Variants in HSD17B14 observed in about 807,000 individuals in gnomAD.
HSD17B14 encodes L-fucose dehydrogenase.
A neutral mutation model predicts 32.2 loss-of-function variants in HSD17B14; 32 were observed. The ratio of observed to expected loss-of-function variants is 0.99; its 90% CI spans 0.75 to 1.33. The LOEUF is 1.33. Ranked by LOEUF, HSD17B14 falls within the 40% of genes most tolerant of loss-of-function variation. HSD17B14 has a pLI of 0.00. For missense variants in HSD17B14, 370 were observed against 366.5 expected, an observed-to-expected ratio of 1.01 and a Z score of -0.08; for synonymous variants, 140 against 155.4, an observed-to-expected ratio of 0.90 and a Z score of 0.74.
chr19:48,815,487 G>A (rs2035036214), intron 5 of HSD17B14, among the ~76,000 whole-genome samples: 1 of 152,118 alleles, frequency 6.6e-6, no homozygotes, highest in African/African-American at 2.4e-5. Context: ...ATGGATGAGA[G>A]ATCCAGAAGG....
At chr19:48,827,836 C>T (rs935913557) in intron 5 of HSD17B14, among the ~76,000 whole-genome samples, 13 of 150,248 alleles carry the variant, frequency 8.7e-5, no homozygotes, top group African/African-American at 3.2e-4. Context: ...CCGTGACCAA[C>T]CCTTCTCCTT....
chr19:48,827,501 A>G (rs1176285894), intron 5 of HSD17B14, among the ~76,000 whole-genome samples: 1 of 152,058 alleles, frequency 6.6e-6, no homozygotes, highest in African/African-American at 2.4e-5. Flanking sequence ...CAGCTGTTGC[A>G]TAAGCAAGGG....
At chr19:48,827,393 C>A (rs567951500) in intron 5 of HSD17B14, among the ~76,000 whole-genome samples, 5 of 152,100 alleles carry the variant, frequency 3.3e-5, no homozygotes, top group African/African-American at 1.2e-4. Flanking sequence ...GCGCAGGGCT[C>A]CGCATGTTGC....
At chr19:48,824,011 T>C (rs2035201715) in intron 5 of HSD17B14, among the ~76,000 whole-genome samples, 1 of 148,164 alleles carries the variant, frequency 6.7e-6, no homozygotes, top group African/African-American at 2.5e-5. Context: ...TCCCAGCACT[T>C]TGGGAGGCCG....
Position 48,832,701 on chromosome 19 carries a change from C to A in HSD17B14, c.242G>T (p.Gly81Val), listed in dbSNP as rs1457593297. 1 of 1,612,590 alleles carries A rather than the reference C, an allele frequency of 6.2e-7. No individual in the cohort carries two copies. Among genetic ancestry groups the A allele is most frequent in the East Asian group, 2.2e-5 (1 of 44,858 alleles). ...TLVSETIRRF[G>V]RLDCVVNNAG... ...GTTGTTGACAACACAATCCAGGCGG[C>A]CAAATCGGCGGATGGTCTCAGAAAC... Residue 81 changes from glycine to valine, a missense_variant, in exon 4 of 9, where the codon GGC (glycine) becomes GTC (valine). Physicochemically the swap from Gly to Val is moderately radical, Grantham distance 109. Coordinates refer to ENST00000263278, the MANE Select transcript of HSD17B14 (RefSeq NM_016246.3).
At position 48,834,346 on chromosome 19, in the gene HSD17B14, C is replaced by G; in HGVS notation, c.140G>C (p.Arg47Pro). The stretch of plus-strand genomic sequence containing the variant: ...TCCAGGGAGCTCCTGCTCCAGGGCC[C>G]GGCCCCCAGACTCTGCAGGGAGAGA... The part of the protein sequence containing the change: ...VICDKDESGG[R>P]ALEQELPGAV... Residue 47 changes from arginine to proline, a missense_variant, in exon 3 of 9, where the codon CGG becomes CCG. By Grantham distance (103) the Arg-to-Pro change is moderately radical. Transcript: ENST00000263278. The G allele has an allele frequency of 1.9e-6, 3 of 1,613,590 alleles. No individual in the cohort carries two copies. Among genetic ancestry groups the G allele is most frequent in the Non-Finnish European group, 2.5e-6 (3 of 1,179,662 alleles).
chr19:48,818,994 T>A (rs1002633393), intron 5 of HSD17B14, among the ~76,000 whole-genome samples: 1 of 152,080 alleles, frequency 6.6e-6, no homozygotes, highest in Non-Finnish European at 1.5e-5. Flanking sequence ...CCTTTTTTTG[T>A]TTGTTTGTTT....
rs1386323531 is a variant in HSD17B14, at chr19:48,824,743, C to T, written c.369+6925G>A. Among the ~76,000 whole-genome samples the T allele has an allele frequency of 3.5e-5, 5 of 142,298 alleles. No homozygotes were observed. The East Asian group carries it at 1.0e-3, about 29-fold the overall frequency. 93.4% of individuals were successfully genotyped at this position (142,298 alleles called of 152,430 possible). ...ATCGTGTCACTGCATGCCAGCCTGG[C>T]GACAGAGCAAGACTCTAAAGAAAGA... On this transcript the variant is annotated intron_variant, in intron 5 of 8. Transcript: ENST00000263278.
intron 5 of HSD17B14, among the ~76,000 whole-genome samples, chr19:48,821,940 C>CA (rs1555776457): frequency 6.6e-5 from 10 of 150,742 alleles, no homozygotes; most frequent in South Asian, 2.1e-4. Context: ...AGGATGGTGA[C>CA]GTGGTAATGA....
intron 5 of HSD17B14, among the ~76,000 whole-genome samples, chr19:48,818,340 G>A (rs2035092066): frequency 6.7e-6 from 1 of 149,460 alleles, no homozygotes; most frequent in South Asian, 2.1e-4. Flanking sequence ...AAGAAAAAGA[G>A]AAACCATGCT....
chr19:48,823,411 A>AAAT (rs906988306), intron 5 of HSD17B14, among the ~76,000 whole-genome samples: 22 of 151,852 alleles, frequency 1.4e-4, no homozygotes, highest in African/African-American at 4.3e-4. Flanking sequence ...CACTATCTCA[A>AAAT]AATAATAATA....
intron 6 of HSD17B14, among the ~76,000 whole-genome samples, chr19:48,814,056 A>C (rs2035009229): frequency 6.6e-6 from 1 of 151,600 alleles, no homozygotes; most frequent in African/African-American, 2.4e-5. Context: ...TTAACCGGAC[A>C]TGGTGGTGCA....
intron 5 of HSD17B14, among the ~76,000 whole-genome samples, chr19:48,823,643 C>CTT (rs200691592): frequency 4.5e-4 from 64 of 143,666 alleles, no homozygotes; most frequent in South Asian, 8.9e-4. Flanking sequence ...TTTTTTCTTT[C>CTT]TTTTTTTTTT....
chr19:48,835,591 T>C (rs1335500873), intron 2 of HSD17B14, among the ~76,000 whole-genome samples: 2 of 138,918 alleles, frequency 1.4e-5, no homozygotes, highest in South Asian at 2.3e-4. Context: ...GAGGAGGGGC[T>C]GGGGACCTGG....
At chr19:48,832,757 GTT>G (rs372590687) in intron 3 of HSD17B14, 25 bp from the exon 4 acceptor site, 438 of 1,409,190 alleles carry the variant, frequency 3.1e-4, no homozygotes, top group Non-Finnish European at 3.7e-4. Flanking sequence ...AATGTCCTTT[GTT>G]TTTTTTTTTT....
At chr19:48,829,635 C>CTTTT (rs34096239) in intron 5 of HSD17B14, among the ~76,000 whole-genome samples, 1,921 of 76,010 alleles carry the variant, frequency 0.025, 158 homozygotes, top group African/African-American at 0.074. Context: ...CCAGGCCTGG[C>CTTTT]TTTTTTTTTT....
intron 5 of HSD17B14, among the ~76,000 whole-genome samples, chr19:48,816,830 T>TTCTTTTCTC (rs2035064918): frequency 2.0e-5 from 3 of 149,822 alleles, no homozygotes; most frequent in Non-Finnish European, 4.4e-5. Flanking sequence ...TTTCTTTTCT[T>TTCTTTTCTC]TCTCTCTCTC....
chr19:48,816,114 ACTCT>A (rs1204856882), intron 5 of HSD17B14, among the ~76,000 whole-genome samples: 3 of 150,400 alleles, frequency 2.0e-5, no homozygotes, highest in East Asian at 3.9e-4. Context: ...GTCCCTAAAT[ACTCT>A]CTCTGTGTGT....
chr19:48,821,924 TTGGTGAGGA>T (rs1215499036), intron 5 of HSD17B14, among the ~76,000 whole-genome samples: 3 of 75,738 alleles, frequency 4.0e-5, no homozygotes, highest in Admixed American at 1.5e-4. Context: ...AATGGTGATG[TTGGTGAGGA>T]TGGTGACGTG....
Sources: gnomAD v4.1 joint callset for allele counts (sites outside exome capture counted in the v4.1 genomes callset) on GRCh38, gnomAD v4.1.1 for gene constraint, MANE v1.5 for transcripts, NCBI Gene and HGNC (gene_info 2026-07-23, HGNC 2026-07-21) for gene names.